DENND2C: variants seen among roughly 807,000 people sequenced by gnomAD.
DENND2C encodes the protein DENN domain containing 2C, also known as DENN domain-containing protein 2C.
Under a neutral mutation model 112.4 loss-of-function variants are expected in DENND2C, and 72 were observed. The observed-to-expected ratio is 0.64, with a 90% CI of 0.53 to 0.78. DENND2C has a LOEUF of 0.78. DENND2C is among the 30% of genes least tolerant of loss of function. The pLI, the probability that DENND2C is intolerant of heterozygous loss-of-function variation, is 0.00. For missense variants in DENND2C, 992 were observed against 1,113.8 expected, an observed-to-expected ratio of 0.89 and a Z score of 1.56; for synonymous variants, 329 against 381.6, an observed-to-expected ratio of 0.86 and a Z score of 1.61.
In DENND2C at chr1:114,625,632, C is replaced by T; in HGVS notation, c.353G>A (p.Cys118Tyr). ...GCTTTCAATTTCTTTGACCCGAGAA[C>T]ATACCCAGTTGGATTCTGATTCATT... ...FKNESESNWV[C>Y]SRVKEIESCK... The change falls in exon 4 of 21, where the codon TGT becomes TAT. Residue 118 changes from cysteine to tyrosine, a missense_variant. Physicochemically the swap from Cys to Tyr is radical, Grantham distance 194. This residue lies in a region of DENND2C where 470 missense variants were observed against 472.7 expected (regional missense o/e 0.99). Coordinates refer to ENST00000393274, the MANE Select transcript of DENND2C (RefSeq NM_001256404.2). 1 of 1,614,126 alleles carries T rather than the reference C, an allele frequency of 6.2e-7. No individual in the cohort carries two copies.
At chr1:114,656,213 T>G (rs1055678822) in intron 1 of DENND2C, among the ~76,000 whole-genome samples, 3 of 151,560 alleles carry the variant, frequency 2.0e-5, no homozygotes, top group Non-Finnish European at 2.9e-5. Flanking sequence ...GGACCACAGG[T>G]GTGTGCCACC....
rs143833683 is a variant in DENND2C at position 114,625,308 on chromosome 1, G to C, written c.677C>G (p.Thr226Arg). The C allele has an allele frequency of 1.9e-6, 3 of 1,614,086 alleles. No homozygotes were observed. Among genetic ancestry groups the C allele is most frequent in the Admixed American group, 3.3e-5 (2 of 60,010 alleles). The change falls in exon 4 of 21, where the codon ACG becomes AGG. Residue 226 changes from threonine to arginine, a missense_variant. Around this residue, in one of 3 missense-constraint regions of DENND2C, gnomAD observed 470 missense variants for 472.7 expected, o/e 0.99. Coordinates refer to ENST00000393274, the MANE Select transcript of DENND2C (RefSeq NM_001256404.2). Reference protein sequence around the residue: ...TFRYLSESGVTPYKERNCDKK... With the variant: ...TFRYLSESGVRPYKERNCDKK... ...GTCACAGTTTCTTTCTTTATACGGC[G>C]TAACACCAGATTCGGATAAATATCT...
At chr1:114,592,571 C>A (rs1204325620) in intron 18 of DENND2C, among the ~76,000 whole-genome samples, 2 of 151,810 alleles carry the variant, frequency 1.3e-5, no homozygotes, top group Non-Finnish European at 2.9e-5. Context: ...TACAAAAAAA[C>A]CAGCCAGGTG....
chr1:114,619,357 C>T (rs953322226), intron 7 of DENND2C, among the ~76,000 whole-genome samples: 5 of 152,164 alleles, frequency 3.3e-5, no homozygotes, highest in Admixed American at 6.5e-5. Flanking sequence ...ATTTAACATA[C>T]TTAATGCCTA....
chr1:114,656,659 G>A (rs1657338055), intron 1 of DENND2C, among the ~76,000 whole-genome samples: 1 of 152,192 alleles, frequency 6.6e-6, no homozygotes, highest in South Asian at 2.1e-4. Flanking sequence ...GCCTCCCAAA[G>A]TGCTGGGATT....
intron 3 of DENND2C, among the ~76,000 whole-genome samples, chr1:114,630,197 A>ACT (rs1337738794): frequency 6.6e-6 from 1 of 151,848 alleles, no homozygotes; most frequent in African/African-American, 2.4e-5. Context: ...CCCAGCTACT[A>ACT]CTCAGGAGGC....
At chr1:114,669,862 C>G (rs1329832692) in intron 1 of DENND2C, 121 bp downstream of exon 1, 1 of 152,272 alleles carries the variant, frequency 6.6e-6, no homozygotes, top group African/African-American at 2.4e-5. Context: ...TCGCACCGTC[C>G]GAGGACTACG....
chr1:114,611,135 G>GTTTTT lies in DENND2C; in HGVS notation c.1325-19_1325-18insAAAAA. On this transcript the variant is annotated intron_variant, in intron 8 of 20. Transcript: ENST00000393274. Reference sequence around the variant, plus strand: ...GGTTTCACCTGAAAAGAGAGAAGGAGTTTCCATTTGTATTGTCCAACAGTA... The same window carrying GTTTTT: ...GGTTTCACCTGAAAAGAGAGAAGGAGTTTTTTTTCCATTTGTATTGTCCAACAGTA... 1 of 1,614,016 alleles carries GTTTTT rather than the reference G, an allele frequency of 6.2e-7. No homozygotes were observed. The highest frequency in any genetic ancestry group is 1.1e-5 in the South Asian group (1 of 91,078).
chr1:114,606,940 T>G (rs1655671902), intron 10 of DENND2C, among the ~76,000 whole-genome samples: 1 of 152,206 alleles, frequency 6.6e-6, no homozygotes, highest in African/African-American at 2.4e-5. Context: ...AATCCCCAAG[T>G]AGTCACCCAC....
At position 114,584,299 on chromosome 1, in the gene DENND2C, T is replaced by TC. The variant is rs1654983293; in HGVS notation, c.*1300dup. The TC allele has an allele frequency of 6.6e-6, 1 of 152,038 alleles. No individual in the cohort carries two copies. The highest frequency in any genetic ancestry group is 6.6e-5 in the Admixed American group (1 of 15,220). 9.4% of individuals were successfully genotyped at this position (152,038 alleles called of 1,614,324 possible). A position where few individuals can be genotyped will look rare whatever the true frequency, so the allele number is the denominator to read the frequency against. On this transcript the variant is annotated 3_prime_UTR_variant, in exon 21 of 21. Transcript: ENST00000393274. ...CTTTTTTCTTTTTTTTGAGATGGAG[T>TC]CTCGCTCTGTCACCCTGGCTGGAAT...
chr1:114,587,258 G>T, intron 20 of DENND2C, 129 bp downstream of exon 20: 1 of 964,558 alleles, frequency 1.0e-6, no homozygotes, highest in Non-Finnish European at 1.6e-6. Flanking sequence ...TGTTGCCCAC[G>T]CTGGTCTCAA....
intron 18 of DENND2C, among the ~76,000 whole-genome samples, 174 bp from the exon 19 acceptor site, chr1:114,588,126 T>C (rs1557936658): frequency 6.6e-6 from 1 of 152,210 alleles, no homozygotes; most frequent in Non-Finnish European, 1.5e-5. Context: ...AAAAGGCTAA[T>C]TGCTTCTACC....
At position 114,663,713 on chromosome 1, in the gene DENND2C, A is replaced by G. The variant is rs1035734890; in HGVS notation, c.-574+6270T>C. On this transcript the variant is annotated intron_variant, in intron 1 of 20. Transcript: ENST00000393274. ...GGTTGGGTGGAAAGATCAAATAAGT[A>G]TAACATTTTGTGATGTGAAAATTAT... 1.1e-4 allele frequency among the ~76,000 whole-genome samples: 16 copies of G among 152,334 alleles called. 1 individual carries two copies. Among genetic ancestry groups the G allele is most frequent in the African/African-American group, 3.8e-4 (16 of 41,578 alleles).
intron 3 of DENND2C, among the ~76,000 whole-genome samples, chr1:114,643,077 G>C (rs1656890063): frequency 6.6e-6 from 1 of 152,128 alleles, no homozygotes; most frequent in Non-Finnish European, 1.5e-5. Flanking sequence ...ATTCTTGCTG[G>C]AGACACTTAG....
intron 9 of DENND2C, among the ~76,000 whole-genome samples, chr1:114,609,835 A>C: frequency 6.6e-6 from 1 of 152,240 alleles, no homozygotes; most frequent in East Asian, 1.9e-4. Context: ...GCTCCCCGGA[A>C]TTATCCAGTA....
chr1:114,659,564 T>A (rs1236475583), intron 1 of DENND2C, among the ~76,000 whole-genome samples: 1 of 152,160 alleles, frequency 6.6e-6, no homozygotes, highest in Non-Finnish European at 1.5e-5. Flanking sequence ...AGTAGCCAGA[T>A]ATAGACAATA....
At chr1:114,587,044 C>A in intron 20 of DENND2C, 1 of 210,208 alleles carries the variant, frequency 4.8e-6, no homozygotes, top group East Asian at 1.1e-4. Context: ...ATTACAGGTG[C>A]CTGCCACTAA....
Position 114,584,873 on chromosome 1 carries a change from A to G in DENND2C, c.*727T>C, listed in dbSNP as rs1654999981. 6.6e-6 allele frequency: 1 copy of G among 152,110 alleles called. No individual in the cohort carries two copies. The highest frequency in any genetic ancestry group is 1.9e-4 in the East Asian group (1 of 5,192). The allele number at this position is 152,110 out of a possible 1,614,324, so 9.4% of individuals were successfully genotyped here. On this transcript the variant is annotated 3_prime_UTR_variant, in exon 21 of 21. Transcript: ENST00000393274. ...GCCTTAGCCTCCCAAAGTGGTGGAG[A>G]TTACAGGTGTGAGCCACTGCATCCA...
At chr1:114,640,084 A>C (rs1416262747) in intron 3 of DENND2C, among the ~76,000 whole-genome samples, 2 of 152,170 alleles carry the variant, frequency 1.3e-5, no homozygotes, top group African/African-American at 2.4e-5. Flanking sequence ...TCCTGGGCTA[A>C]ATGGTTTGTT....
Sources: allele counts gnomAD v4.1 joint callset (sites outside exome capture counted in the v4.1 genomes callset), GRCh38; gene constraint gnomAD v4.1.1; regional missense constraint gnomAD v4.1.1; transcripts MANE v1.5; gene names NCBI Gene and HGNC (gene_info 2026-07-23, HGNC 2026-07-21).